Variants in DMD observed in about 807,000 individuals in gnomAD.
The protein encoded by DMD is dystrophin, also known as mutant dystrophin.
DMD carries 63 observed loss-of-function variants against 330.1 expected under a neutral mutation model. The observed-to-expected ratio is 0.19, with a 90% CI of 0.16 to 0.24. The LOEUF (loss-of-function observed/expected upper bound fraction) is 0.24, where lower values mean the gene tolerates loss of function less well. DMD is among the 10% of genes least tolerant of loss of function. The probability of loss-of-function intolerance (pLI) is 1.00; values close to 1 mark genes in which losing one functional copy is unlikely to be tolerated. For synonymous variants in DMD, 1,223 were observed against 959.8 expected (o/e 1.27, Z -5.07); for missense variants, 3,344 against 2,684.1 (o/e 1.25, Z -5.43).
intron 9 of DMD, among the ~76,000 whole-genome samples, chrX:32,673,529 G>A (rs1018798860): frequency 8.9e-6 from 1 of 111,922 alleles, no homozygotes; most frequent in African/African-American, 3.2e-5. Flanking sequence ...TTTGGAGCCT[G>A]ATATGAGTGG....
intron 55 of DMD, among the ~76,000 whole-genome samples, chrX:31,617,534 CAAAAAAAAAAAAAA>C (rs749572753): frequency 1.9e-4 from 6 of 32,052 alleles, no homozygotes; most frequent in Non-Finnish European, 3.3e-4. Context: ...GACTTCGTCT[CAAAAAAAAAAAAAA>C]AAAAAAAAAA....
In DMD at chrX:31,454,284, G is replaced by A. The variant is rs747157989; in HGVS notation, c.8938-9657C>T. On this transcript the variant is annotated intron_variant, in intron 59 of 78. Transcript: ENST00000357033. ...CTCCCAAGTAGCTGGGATTACAGGC[G>A]CACACCACCACCATGCCTGGCTAAT... Among the ~76,000 whole-genome samples, 7 of 110,874 alleles carry A rather than the reference G, an allele frequency of 6.3e-5. No individual in the cohort carries two copies. The East Asian group carries it at 8.5e-4, about 14-fold the overall frequency.
chrX:32,251,541 A>T (rs755921350), intron 43 of DMD, among the ~76,000 whole-genome samples: 2 of 111,739 alleles, frequency 1.8e-5, no homozygotes, highest in African/African-American at 6.5e-5. Flanking sequence ...CTCCATTAAC[A>T]TAAGTATCAA....
chrX:33,073,623 G>A (rs894613057), intron 1 of DMD, among the ~76,000 whole-genome samples: 4 of 110,771 alleles, frequency 3.6e-5, no homozygotes, highest in Non-Finnish European at 7.6e-5. Flanking sequence ...CTGAGGTCAG[G>A]AGTTCGAGAC....
intron 13 of DMD, among the ~76,000 whole-genome samples, chrX:32,585,056 A>C (rs1330947631): frequency 9.0e-6 from 1 of 111,592 alleles, no homozygotes. Flanking sequence ...CATAAATGGA[A>C]CTGGAGGTCA....
At chrX:32,489,606 G>T (rs2042803328) in intron 20 of DMD, among the ~76,000 whole-genome samples, 1 of 111,292 alleles carries the variant, frequency 9.0e-6, no homozygotes, top group African/African-American at 3.3e-5. Context: ...AACCTGTGTT[G>T]TTTAAGCCAC....
chrX:33,183,359 T>C (rs1160479044), intron 1 of DMD, among the ~76,000 whole-genome samples: 1 of 111,722 alleles, frequency 9.0e-6, no homozygotes, highest in East Asian at 2.8e-4. Context: ...AGCAGTGTTG[T>C]CAACTAAACT....
intron 20 of DMD, 104 bp from the exon 21 acceptor site, chrX:32,485,203 C>A (rs2042296596): frequency 4.1e-6 from 3 of 735,234 alleles, no homozygotes; most frequent in South Asian, 2.2e-5. Context: ...AGCTTAATAC[C>A]CTTCACAAAT....
intron 5 of DMD, among the ~76,000 whole-genome samples, chrX:32,818,622 T>A (rs747531515): frequency 8.9e-6 from 1 of 111,888 alleles, no homozygotes; most frequent in East Asian, 2.8e-4. Flanking sequence ...CTTTGAGCAG[T>A]GATTTTTAAA....
chrX:31,301,400 G>A (rs2054630048), intron 62 of DMD, among the ~76,000 whole-genome samples: 2 of 111,716 alleles, frequency 1.8e-5, no homozygotes, highest in African/African-American at 6.5e-5. Flanking sequence ...GCATGGCTGG[G>A]GAGCCCTCAG....
At chrX:32,582,415 C>G (rs1601873308) in intron 13 of DMD, among the ~76,000 whole-genome samples, 1 of 110,680 alleles carries the variant, frequency 9.0e-6, no homozygotes, top group Non-Finnish European at 1.9e-5. Flanking sequence ...TATAAAAACC[C>G]AAGAAATAAA....
intron 1 of DMD, among the ~76,000 whole-genome samples, chrX:33,286,677 T>C (rs1317866756): frequency 2.7e-5 from 3 of 112,146 alleles, no homozygotes; most frequent in African/African-American, 9.7e-5. Context: ...ACAAATTTAC[T>C]TGAGTGCTTG....
chrX:32,190,550 T>TTATATATATATA (rs753482446), intron 44 of DMD, among the ~76,000 whole-genome samples: 2,664 of 62,281 alleles, frequency 0.043, 78 homozygotes, highest in Non-Finnish European at 0.046. Flanking sequence ...ATTTAAAATT[T>TTATATATATATA]TATATATATA....
chrX:31,202,150 C>T (rs1418770592), intron 67 of DMD, among the ~76,000 whole-genome samples: 2 of 111,687 alleles, frequency 1.8e-5, no homozygotes, highest in Non-Finnish European at 3.8e-5. Flanking sequence ...CGCGCCATTG[C>T]ACTCCAGCCT....
At chrX:32,191,156 G>A (rs1435681973) in intron 44 of DMD, among the ~76,000 whole-genome samples, 1 of 111,452 alleles carries the variant, frequency 9.0e-6, no homozygotes, top group African/African-American at 3.3e-5. Flanking sequence ...CTGATATTTA[G>A]ATGGCTTTTT....
intron 23 of DMD, among the ~76,000 whole-genome samples, chrX:32,467,212 A>C (rs962832796): frequency 6.2e-5 from 7 of 112,230 alleles, no homozygotes; most frequent in African/African-American, 2.3e-4. Context: ...CTGGGATTTA[A>C]ATCCAGGAGC....
intron 7 of DMD, among the ~76,000 whole-genome samples, chrX:32,712,306 C>G (rs897677235): frequency 1.8e-5 from 2 of 111,188 alleles, no homozygotes; most frequent in Non-Finnish European, 3.8e-5. Flanking sequence ...GCCTAACAGT[C>G]CATAGCATGA....
intron 1 of DMD, among the ~76,000 whole-genome samples, chrX:33,272,954 T>C (rs1396018700): frequency 1.8e-5 from 2 of 111,903 alleles, no homozygotes; most frequent in Non-Finnish European, 3.8e-5. Context: ...AGGGTAAAAA[T>C]AGTCTTGTTT....
At chrX:32,405,406 C>A (rs985238099) in intron 30 of DMD, among the ~76,000 whole-genome samples, 2 of 111,842 alleles carry the variant, frequency 1.8e-5, no homozygotes, top group South Asian at 7.3e-4. Flanking sequence ...CCAAGGAACA[C>A]GCATAGGTTG....
Sources: allele counts gnomAD v4.1 joint callset (sites outside exome capture counted in the v4.1 genomes callset), GRCh38; gene constraint gnomAD v4.1.1; transcripts MANE v1.5; gene names NCBI Gene and HGNC (gene_info 2026-07-23, HGNC 2026-07-21).